Variants in CCDC88C observed in about 807,000 individuals in gnomAD.
CCDC88C encodes coiled-coil and HOOK domain protein 88C.
In CCDC88C, 131 loss-of-function variants were observed where a neutral mutation model predicts 198.8. That is an observed-to-expected ratio of 0.66 (90% CI 0.57 to 0.76). CCDC88C has a LOEUF of 0.76. Among genes scored for constraint, CCDC88C ranks in the 30% least tolerant of loss-of-function variants. The pLI is 0.00. For missense variants in CCDC88C, 2,553 were observed against 2,631.6 expected (o/e 0.97, Z 0.65); for synonymous variants, 1,166 against 1,114.7 (o/e 1.05, Z -0.92).
At chr14:91,354,450 A>G (rs541052568) in intron 4 of CCDC88C, among the ~76,000 whole-genome samples, 11 of 152,352 alleles carry the variant, frequency 7.2e-5, no homozygotes, top group Admixed American at 4.6e-4. Context: ...CTTCTTGTAG[A>G]AAACACTCAC....
chr14:91,396,521 G>C (rs1017029334), intron 3 of CCDC88C, among the ~76,000 whole-genome samples: 1 of 152,100 alleles, frequency 6.6e-6, no homozygotes, highest in Admixed American at 6.5e-5. Flanking sequence ...GCTTTCAATC[G>C]GAGCTGAACG....
At chr14:91,350,074 T>TC (rs1182653714) in intron 4 of CCDC88C, among the ~76,000 whole-genome samples, 1 of 152,146 alleles carries the variant, frequency 6.6e-6, no homozygotes, top group East Asian at 1.9e-4. Context: ...AAACCTATCT[T>TC]CCTTCCATGA....
At chr14:91,304,073 C>G in intron 19 of CCDC88C, 95 bp from the exon 20 acceptor site, 1 of 1,435,604 alleles carries the variant, frequency 7.0e-7, no homozygotes, top group Non-Finnish European at 9.5e-7. Flanking sequence ...ACGAAAATAG[C>G]CGGGACCCTC....
chr14:91,341,394 C>G (rs547413829), intron 6 of CCDC88C, among the ~76,000 whole-genome samples: 1 of 152,246 alleles, frequency 6.6e-6, no homozygotes, highest in Non-Finnish European at 1.5e-5. Flanking sequence ...CTCAGTGGGT[C>G]TCTCATGGGG....
chr14:91,333,930 T>C (rs1318820161), intron 10 of CCDC88C, among the ~76,000 whole-genome samples: 3 of 152,230 alleles, frequency 2.0e-5, no homozygotes, highest in Non-Finnish European at 4.4e-5. Context: ...ATGGATGTGG[T>C]TGACCAGGTG....
chr14:91,301,453 C>T (rs370111891), intron 20 of CCDC88C, among the ~76,000 whole-genome samples: 3 of 152,248 alleles, frequency 2.0e-5, no homozygotes, highest in Non-Finnish European at 2.9e-5. Flanking sequence ...CGGTGGCTCA[C>T]GCCTATAATC....
At chr14:91,389,387 C>G (rs1461671268) in intron 3 of CCDC88C, among the ~76,000 whole-genome samples, 2 of 152,288 alleles carry the variant, frequency 1.3e-5, no homozygotes, top group African/African-American at 4.8e-5. Flanking sequence ...AGTTCAAAGT[C>G]AAGGTCACTG....
chr14:91,295,878 T>G (rs561889576), intron 22 of CCDC88C, among the ~76,000 whole-genome samples: 108 of 152,252 alleles, frequency 7.1e-4, no homozygotes, highest in African/African-American at 2.6e-3. Flanking sequence ...GCCATGAGGG[T>G]GGGCTCTGAT....
chr14:91,308,296 A>G, intron 17 of CCDC88C, 55 bp downstream of exon 17: 2 of 1,602,810 alleles, frequency 1.2e-6, no homozygotes, highest in Non-Finnish European at 1.7e-6. Context: ...AGGGGCTGGA[A>G]AGGGTGAGGC....
In CCDC88C at chr14:91,401,939, T is replaced by C. The variant is rs541703457; in HGVS notation, c.270+6720A>G. ...ACACAGCCACAAGTTTAACGTGTTC[T>C]TTCCACCAACAATGTCAAATGGACA... On this transcript the variant is annotated intron_variant, in intron 3 of 29. Transcript: ENST00000389857. Among the ~76,000 whole-genome samples, 50 of 152,304 alleles carry C rather than the reference T, an allele frequency of 3.3e-4. No individual in the cohort carries two copies. In the South Asian group the frequency reaches 9.7e-3, roughly 30 times the overall value.
At chr14:91,380,530 C>A (rs1409275371) in intron 3 of CCDC88C, among the ~76,000 whole-genome samples, 1 of 99,374 alleles carries the variant, frequency 1.0e-5, no homozygotes, top group African/African-American at 3.9e-5. Flanking sequence ...TCCAATTCAA[C>A]AACAAGCAAG....
At chr14:91,328,298 G>A (rs1284419501) in intron 10 of CCDC88C, among the ~76,000 whole-genome samples, 3 of 152,076 alleles carry the variant, frequency 2.0e-5, no homozygotes, top group East Asian at 3.9e-4. Context: ...GAAACATCTC[G>A]AGTGCCCTGC....
chr14:91,313,070 G>A lies in CCDC88C; in HGVS notation c.2736+10C>T, dbSNP rs571878362. The A allele has an allele frequency of 3.8e-6, 6 of 1,565,016 alleles. No individual in the cohort carries two copies. In the East Asian group the frequency reaches 1.4e-4, roughly 35 times the overall value. On this transcript the variant is annotated intron_variant, in intron 15 of 29. Coordinates refer to ENST00000389857, the MANE Select transcript of CCDC88C (RefSeq NM_001080414.4). The surrounding 1 kb of genome is among the most constrained non-coding windows in gnomAD (Gnocchi z 5.2). ...CAATCCCCTTACAGGCGCCGCCTGT[G>A]TTTGCTCACCTCCCTCAGAGTTGTC...
rs771160491 is a variant in CCDC88C at position 91,289,130 on chromosome 14, G to A, written c.4416C>T (p.Asp1472=). The change falls in exon 25 of 30, where the codon GAC becomes GAT. Residue 1472 remains aspartate (D), a synonymous_variant. Coordinates refer to ENST00000389857, the MANE Select transcript of CCDC88C (RefSeq NM_001080414.4). Reference sequence around the variant, plus strand: ...CTTTCCCCACAGACCCGTTGTGGGCGTCGCGCTCTTCTGCACAGTTGGAGC... The same window carrying A: ...CTTTCCCCACAGACCCGTTGTGGGCATCGCGCTCTTCTGCACAGTTGGAGC... ...ALGSNCAEER[D]AHNGSVGKGP... is the part of the protein sequence containing the mutation. The A allele has an allele frequency of 2.8e-5, 45 of 1,612,884 alleles. 1 individual carries two copies. In the South Asian group the frequency reaches 3.1e-4, roughly 11 times the overall value.
chr14:91,335,336 G>GGC (rs1157433719), intron 10 of CCDC88C, among the ~76,000 whole-genome samples: 2 of 152,154 alleles, frequency 1.3e-5, no homozygotes, highest in Admixed American at 6.5e-5. Flanking sequence ...TCCATGGCTG[G>GGC]GCCCTGAGAG....
chr14:91,375,250 C>T (rs934427007), intron 3 of CCDC88C, among the ~76,000 whole-genome samples: 3 of 152,078 alleles, frequency 2.0e-5, no homozygotes, highest in East Asian at 1.9e-4. Flanking sequence ...GGTTAGCATG[C>T]GCGCGTGTCT....
Position 91,273,372 on chromosome 14 carries a change from G to T in CCDC88C, c.5340C>A (p.Gly1780=). 2 of 1,530,296 alleles carry T rather than the reference G, an allele frequency of 1.3e-6. No individual in the cohort carries two copies. Among genetic ancestry groups the T allele is most frequent in the Non-Finnish European group, 8.8e-7 (1 of 1,137,858 alleles). 94.8% of individuals were successfully genotyped at this position (1,530,296 alleles called of 1,614,324 possible). ...GGGGCACCGGAGCCTGCCGGGGTCTGCCCAGAGACAGGCTCTGGGGAGGCT... is the reference window on the plus strand; with the variant it reads ...GGGGCACCGGAGCCTGCCGGGGTCTTCCCAGAGACAGGCTCTGGGGAGGCT... The part of the protein sequence containing the change: ...QAQPPQSLSL[G]RPRQAPVPPA... The change falls in exon 30 of 30, where the codon GGC becomes GGA. Residue 1780 remains glycine (G), a synonymous_variant. Transcript: ENST00000389857. The surrounding 1 kb of genome is among the most constrained non-coding windows in gnomAD (Gnocchi z 5.6).
chr14:91,278,980 T>C (rs1226161475), intron 28 of CCDC88C, among the ~76,000 whole-genome samples: 2 of 134,418 alleles, frequency 1.5e-5, no homozygotes, highest in African/African-American at 2.7e-5. Flanking sequence ...CAGCCCACTA[T>C]AGCCTTGACC....
intron 3 of CCDC88C, among the ~76,000 whole-genome samples, chr14:91,404,692 G>T (rs182034549): frequency 6.6e-6 from 1 of 152,242 alleles, no homozygotes; most frequent in East Asian, 1.9e-4. Context: ...GGCTGGGCGC[G>T]GTGGCTCACG....
Sources: allele counts gnomAD v4.1 joint callset (sites outside exome capture counted in the v4.1 genomes callset), GRCh38; gene constraint gnomAD v4.1.1; non-coding constraint Gnocchi (gnomAD v3.1); transcripts MANE v1.5; gene names NCBI Gene and HGNC (gene_info 2026-07-23, HGNC 2026-07-21).